TP53BP1: variants seen among roughly 807,000 people sequenced by gnomAD.
TP53BP1 encodes the protein TP53-binding protein 1.
In TP53BP1, 61 loss-of-function variants were observed where a neutral mutation model predicts 200.8. The ratio of observed to expected loss-of-function variants is 0.30; its 90% CI spans 0.25 to 0.38. The LOEUF is 0.38. TP53BP1 is among the 10% of genes least tolerant of loss of function. TP53BP1 has a pLI of 1.00. For missense variants in TP53BP1, 2,144 were observed against 2,371.9 expected (o/e 0.90, Z 2.00); for synonymous variants, 822 against 844.3 (o/e 0.97, Z 0.46).
intron 24 of TP53BP1, chr15:43,412,598 G>A (rs903865737): frequency 2.2e-6 from 1 of 457,020 alleles, no homozygotes; most frequent in South Asian, 1.6e-5. Context: ...CCTAGAAGCT[G>A]TTTCTTTGCA....
chr15:43,430,544 A>G (rs2467745), intron 17 of TP53BP1, among the ~76,000 whole-genome samples: 69,924 of 152,064 alleles, frequency 0.46, 20,834 homozygotes, highest in African/African-American at 0.85. Flanking sequence ...TGGACAATCA[A>G]AATGAGAGGT....
intron 23 of TP53BP1, chr15:43,415,349 C>G: frequency 1.7e-6 from 1 of 578,656 alleles, no homozygotes; most frequent in South Asian, 1.8e-5. Flanking sequence ...GCTGGTATTA[C>G]AGGCGCCCGC....
intron 10 of TP53BP1, among the ~76,000 whole-genome samples, chr15:43,470,653 A>G (rs369037547): frequency 2.0e-5 from 3 of 152,328 alleles, no homozygotes; most frequent in African/African-American, 7.2e-5. Context: ...ATCCTGACAC[A>G]CATTAGGAGG....
At chr15:43,499,598 T>C (rs2079199307) in intron 1 of TP53BP1, among the ~76,000 whole-genome samples, 1 of 152,206 alleles carries the variant, frequency 6.6e-6, no homozygotes, top group African/African-American at 2.4e-5. Context: ...ACAGAGCTAG[T>C]GTGCTAACTA....
chr15:43,485,458 T>C (rs1441251065), intron 4 of TP53BP1, among the ~76,000 whole-genome samples: 2 of 150,760 alleles, frequency 1.3e-5, no homozygotes, highest in Admixed American at 1.3e-4. Flanking sequence ...GTGCCTGTAG[T>C]CCCAGCTACT....
At chr15:43,467,353 T>C (rs769957953) in intron 11 of TP53BP1, among the ~76,000 whole-genome samples, 6 of 152,038 alleles carry the variant, frequency 3.9e-5, no homozygotes, top group African/African-American at 7.3e-5. Context: ...TGTGGGCTAC[T>C]GCGCCCGGCC....
At chr15:43,450,436 G>T (rs1255525277) in intron 12 of TP53BP1, among the ~76,000 whole-genome samples, 1 of 152,146 alleles carries the variant, frequency 6.6e-6, no homozygotes. Context: ...GATATTAATA[G>T]CCAATTAAGA....
In TP53BP1 at chr15:43,406,864, T is replaced by C. The variant is rs2044910567; in HGVS notation, c.*519A>G. 2 of 306,638 alleles carry C rather than the reference T, an allele frequency of 6.5e-6. No homozygotes were observed. The highest frequency in any genetic ancestry group is 6.1e-5 in the South Asian group (2 of 32,766). 19.0% of individuals were successfully genotyped at this position (306,638 alleles called of 1,614,324 possible). On this transcript the variant is annotated 3_prime_UTR_variant, in exon 28 of 28. Transcript: ENST00000382044. ...TTCGTTCTCCCTTTAGCTCTAAGAG[T>C]TGGGGAGTACCCACAGGTGAGCTGT... is the stretch of plus-strand genomic sequence containing the variant.
upstream of TP53BP1, among the ~76,000 whole-genome samples, chr15:43,496,315 T>C (rs934908543): frequency 2.6e-5 from 4 of 152,212 alleles, no homozygotes; most frequent in Non-Finnish European, 2.9e-5. Context: ...AAAACCTAGA[T>C]AGATGTCATT....
At chr15:43,450,406 T>C (rs2046139170) in intron 12 of TP53BP1, among the ~76,000 whole-genome samples, 1 of 152,224 alleles carries the variant, frequency 6.6e-6, no homozygotes, top group East Asian at 1.9e-4. Context: ...GCATGAAGTC[T>C]ACCCCAAAAG....
chr15:43,494,404 T>C (rs2079167068), upstream of TP53BP1, among the ~76,000 whole-genome samples: 1 of 152,204 alleles, frequency 6.6e-6, no homozygotes, highest in South Asian at 2.1e-4. Flanking sequence ...TCAAAGCATG[T>C]TGTCTGAATA....
chr15:43,492,513 C>T (rs765129315), intron 1 of TP53BP1, 45 bp from the exon 2 acceptor site: 2 of 1,541,830 alleles, frequency 1.3e-6, no homozygotes, highest in Admixed American at 3.5e-5. Context: ...ACCTACTAGC[C>T]TTGCTCACGC....
In TP53BP1 at chr15:43,428,012, T is replaced by C; in HGVS notation, c.3828+4A>G. On this transcript the variant is annotated splice_donor_region_variant and intron_variant, in intron 18 of 27. Transcript: ENST00000382044. ...TTGCCACACAGACTCAGAGTATGTA[T>C]TACCTCAGTTACTTTTCTTTCTACT... is the stretch of plus-strand genomic sequence containing the variant. 5.0e-6 allele frequency: 8 copies of C among 1,597,338 alleles called. No individual in the cohort carries two copies. Among genetic ancestry groups the C allele is most frequent in the Non-Finnish European group, 6.0e-6 (7 of 1,168,970 alleles).
chr15:43,493,135 C>CGCCGCCACCG lies in TP53BP1; in HGVS notation c.-102_-93dup. ...ATCCCTAGGTCGCCGCTGTCGCCAC[C>CGCCGCCACCG]GCCGCCACCGGCCGCGAACTCCCCC... On this transcript the variant is annotated 5_prime_UTR_variant, in exon 1 of 28. Coordinates refer to ENST00000382044, the MANE Select transcript of TP53BP1 (RefSeq NM_001141980.3). 6.3e-7 allele frequency: 1 copy of CGCCGCCACCG among 1,584,276 alleles called. No individual in the cohort carries two copies. The highest frequency in any genetic ancestry group is 8.5e-7 in the Non-Finnish European group (1 of 1,169,880).
Position 43,469,980 on chromosome 15 carries a change from C to G in TP53BP1, c.1267G>C (p.Glu423Gln), listed in dbSNP as rs1177812686. ...GACTCAGGCAGGAGAGGGGGGTTTT[C>G]TAACTCCACTGGTTCACCACTTTGA... ...KLQSGEPVEL[E>Q]NPPLLPESTV... The change falls in exon 11 of 28, where the codon GAA (glutamate) becomes CAA (glutamine). Residue 423 changes from glutamate to glutamine, a missense_variant. Transcript: ENST00000382044. 3 of 1,613,954 alleles carry G rather than the reference C, an allele frequency of 1.9e-6. No individual in the cohort carries two copies. Among genetic ancestry groups the G allele is most frequent in the Admixed American group, 1.7e-5 (1 of 60,018 alleles).
intron 17 of TP53BP1, among the ~76,000 whole-genome samples, chr15:43,430,972 T>C (rs1018344692): frequency 6.6e-6 from 1 of 152,134 alleles, no homozygotes; most frequent in Non-Finnish European, 1.5e-5. Context: ...GCATCACTAC[T>C]CTCAAACTTT....
At chr15:43,495,400 G>A (rs1412680723), upstream of TP53BP1, among the ~76,000 whole-genome samples, 1 of 151,842 alleles carries the variant, frequency 6.6e-6, no homozygotes. Context: ...TCAGGAGGCT[G>A]AGGCAGGAGA....
In TP53BP1 at chr15:43,477,763, G is replaced by C. The variant is rs779785538; in HGVS notation, c.789-4C>G. On this transcript the variant is annotated splice_polypyrimidine_tract_variant and splice_region_variant and intron_variant, in intron 7 of 27. Transcript: ENST00000382044. ...GCTAAAAGGCATGTCCTCTGACCTAGGAAATTCATATCACCAGGAGAAAAA... is the reference window on the plus strand; with the variant it reads ...GCTAAAAGGCATGTCCTCTGACCTACGAAATTCATATCACCAGGAGAAAAA... The C allele has an allele frequency of 6.5e-7, 1 of 1,531,636 alleles. No individual in the cohort carries two copies. The highest frequency in any genetic ancestry group is 8.8e-7 in the Non-Finnish European group (1 of 1,141,232). 94.9% of individuals were successfully genotyped at this position (1,531,636 alleles called of 1,614,324 possible).
rs1370967456 is a variant in TP53BP1 at position 43,427,882 on chromosome 15, G to C, written c.3828+134C>G. 3 of 633,344 alleles carry C rather than the reference G, an allele frequency of 4.7e-6. No homozygotes were observed. In the Admixed American group the frequency reaches 8.0e-5, roughly 17 times the overall value. The allele number at this position is 633,344 out of a possible 1,614,324, so 39.2% of individuals were successfully genotyped here. On this transcript the variant is annotated intron_variant, in intron 18 of 27. Coordinates refer to ENST00000382044, the MANE Select transcript of TP53BP1 (RefSeq NM_001141980.3). ...TGAGGCAGAAGGATCACTTGAGCCTGGGAGGCAGAGGCTGCAGTGAAACAA... is the reference window on the plus strand; with the variant it reads ...TGAGGCAGAAGGATCACTTGAGCCTCGGAGGCAGAGGCTGCAGTGAAACAA...
Sources: allele counts gnomAD v4.1 joint callset (sites outside exome capture counted in the v4.1 genomes callset), GRCh38; gene constraint gnomAD v4.1.1; transcripts MANE v1.5; gene names NCBI Gene and HGNC (gene_info 2026-07-23, HGNC 2026-07-21).